Variants in ABITRAM observed in about 807,000 individuals in gnomAD.
The protein encoded by ABITRAM is actin binding transcription modulator.
Under a neutral mutation model 22.9 loss-of-function variants are expected in ABITRAM, and 19 were observed. The observed-to-expected ratio is 0.83, with a 90% CI of 0.58 to 1.22. The LOEUF is 1.22. ABITRAM is among the 50% of genes most tolerant of loss of function. The pLI is 0.00. For synonymous variants in ABITRAM, 70 were observed against 73.9 expected, an observed-to-expected ratio of 0.95 and a Z score of 0.27; for missense variants, 215 against 220.2, an observed-to-expected ratio of 0.98 and a Z score of 0.15.
At chr9:108,946,507 G>A (rs547285023) in intron 3 of ABITRAM, among the ~76,000 whole-genome samples, 1 of 152,148 alleles carries the variant, frequency 6.6e-6, no homozygotes, top group Admixed American at 6.5e-5. Context: ...CTTCATTACT[G>A]TCTCTATTCA....
chr9:108,934,698 T>A, intron 1 of ABITRAM, 133 bp downstream of exon 1: 1 of 848,176 alleles, frequency 1.2e-6, no homozygotes, highest in Admixed American at 3.0e-5. Flanking sequence ...TGGACTTCTG[T>A]GTTCCGTCTA....
rs1211738850 is a variant in ABITRAM, at chr9:108,940,918, A to G, written c.*1232A>G. The stretch of plus-strand genomic sequence containing the variant: ...TAAGGGCTATAACATACATGTCAAT[A>G]TCACTGTTTTTAAATAAAATATACT... On this transcript the variant is annotated 3_prime_UTR_variant, in exon 6 of 6. Coordinates refer to ENST00000322940, the MANE Select transcript of ABITRAM (RefSeq NM_017832.4). The G allele has an allele frequency of 5.3e-5, 8 of 152,202 alleles. No individual in the cohort carries two copies. Among genetic ancestry groups the G allele is most frequent in the Non-Finnish European group, 1.5e-5 (1 of 68,018 alleles). The allele number at this position is 152,202 out of a possible 1,614,324, so 9.4% of individuals were successfully genotyped here. A position where few individuals can be genotyped will look rare whatever the true frequency, so the allele number is the denominator to read the frequency against.
At chr9:108,938,893 A>G (rs1830222469) in intron 3 of ABITRAM, among the ~76,000 whole-genome samples, 1 of 152,134 alleles carries the variant, frequency 6.6e-6, no homozygotes, top group South Asian at 2.1e-4. Flanking sequence ...CACACTTTTG[A>G]AATCTTTATA....
chr9:108,944,058 C>G (rs969409783), downstream of ABITRAM: 1 of 1,528,876 alleles, frequency 6.5e-7, no homozygotes, highest in South Asian at 1.2e-5. Context: ...AGACTGATGT[C>G]TATGGATAGT....
chr9:108,948,890 C>A (rs1004084422), intron 3 of ABITRAM, among the ~76,000 whole-genome samples: 1 of 151,978 alleles, frequency 6.6e-6, no homozygotes, highest in African/African-American at 2.4e-5. Flanking sequence ...CTAGTAGCAA[C>A]CAGTTCTGCC....
chr9:108,943,808 G>A (rs372641856), downstream of ABITRAM: 29 of 1,613,128 alleles, frequency 1.8e-5, no homozygotes, highest in Middle Eastern at 1.6e-4. Context: ...GCTTGTCATC[G>A]TCTTTCAGCT....
intron 3 of ABITRAM, chr9:108,948,082 G>A (rs1229065108): frequency 7.8e-6 from 10 of 1,288,960 alleles, no homozygotes; most frequent in South Asian, 1.3e-5. Flanking sequence ...GGTAGGTACA[G>A]ATGTAAGCAT....
At chr9:108,943,817 C>G (rs1830318693), downstream of ABITRAM, 1 of 1,612,488 alleles carries the variant, frequency 6.2e-7, no homozygotes. Context: ...CGTCTTTCAG[C>G]TGAAATGTAA....
intron 3 of ABITRAM, among the ~76,000 whole-genome samples, chr9:108,949,361 C>A (rs1233574350): frequency 6.6e-6 from 1 of 152,124 alleles, no homozygotes; most frequent in African/African-American, 2.4e-5. Context: ...ACTGAGCATG[C>A]CATCCTGAAA....
chr9:108,941,602 T>C (rs1337172551), downstream of ABITRAM, among the ~76,000 whole-genome samples: 1 of 152,206 alleles, frequency 6.6e-6, no homozygotes, highest in African/African-American at 2.4e-5. Flanking sequence ...CAATAAAATA[T>C]TGACTAGCTG....
At chr9:108,950,497 C>G in intron 3 of ABITRAM, 2 of 1,548,290 alleles carry the variant, frequency 1.3e-6, no homozygotes, top group Non-Finnish European at 8.7e-7. Flanking sequence ...TTTCTGCCTT[C>G]TTTTTCCAGA....
downstream of ABITRAM, among the ~76,000 whole-genome samples, chr9:108,943,535 A>G (rs1830309103): frequency 6.6e-6 from 1 of 152,030 alleles, no homozygotes; most frequent in East Asian, 1.9e-4. Flanking sequence ...TGAATCTGCT[A>G]CTCTCTGGGG....
downstream of ABITRAM, chr9:108,942,646 C>A: frequency 1.4e-6 from 1 of 714,772 alleles, no homozygotes; most frequent in Non-Finnish European, 2.3e-6. Context: ...GAAAATAGAG[C>A]AAAATTTCAA....
At chr9:108,945,706 CT>C (rs1357362864), downstream of ABITRAM, among the ~76,000 whole-genome samples, 12 of 151,332 alleles carry the variant, frequency 7.9e-5, no homozygotes, top group African/African-American at 2.9e-4. Flanking sequence ...AACTCCTGGA[CT>C]CAAGTGATCC....
At chr9:108,937,329 CA>C (rs1386371655) in intron 3 of ABITRAM, among the ~76,000 whole-genome samples, 2 of 152,098 alleles carry the variant, frequency 1.3e-5, no homozygotes, top group African/African-American at 4.8e-5. Context: ...TAACTCTAGG[CA>C]AAATGGACAG....
At chr9:108,948,275 T>A (rs770116679) in intron 3 of ABITRAM, 1 of 1,580,556 alleles carries the variant, frequency 6.3e-7, no homozygotes, top group Non-Finnish European at 8.6e-7. Flanking sequence ...CAAAAAGTTA[T>A]TACCTGAAAA....
downstream of ABITRAM, among the ~76,000 whole-genome samples, chr9:108,943,332 G>A (rs994299377): frequency 2.6e-5 from 4 of 152,084 alleles, no homozygotes; most frequent in African/African-American, 9.7e-5. Context: ...TCCAAATAGT[G>A]GAATTAAATC....
At position 108,939,387 on chromosome 9, in the gene ABITRAM, G is replaced by T; in HGVS notation, c.341G>T (p.Cys114Phe). ...GAAATCTTAAATTTTTTTAATAGTTGTGTTAGAGGACGTTTGATGGAAGTG... is the reference window on the plus strand; with the variant it reads ...GAAATCTTAAATTTTTTTAATAGTTTTGTTAGAGGACGTTTGATGGAAGTG... Reference protein sequence around the residue: ...SDGEEYTVSSCVRGRLMEVNE... With the variant: ...SDGEEYTVSSFVRGRLMEVNE... The change falls in exon 5 of 6, where the codon TGT becomes TTT. Residue 114 changes from cysteine to phenylalanine, a missense_variant and splice_region_variant. By Grantham distance (205) the Cys-to-Phe change is radical. Coordinates refer to ENST00000322940, the MANE Select transcript of ABITRAM (RefSeq NM_017832.4). The T allele has an allele frequency of 1.2e-6, 2 of 1,605,668 alleles. No individual in the cohort carries two copies. The highest frequency in any genetic ancestry group is 1.1e-5 in the South Asian group (1 of 88,766).
At chr9:108,942,919 C>T (rs751884757), downstream of ABITRAM, 5 of 1,607,938 alleles carry the variant, frequency 3.1e-6, no homozygotes, top group African/African-American at 6.7e-5. Flanking sequence ...TCTTTTAAAC[C>T]ATTTTTTAAA....
Sources: gnomAD v4.1 joint callset for allele counts (sites outside exome capture counted in the v4.1 genomes callset) on GRCh38, gnomAD v4.1.1 for gene constraint, MANE v1.5 for transcripts, NCBI Gene and HGNC (gene_info 2026-07-23, HGNC 2026-07-21) for gene names.